The following OPCML variants were observed in gnomAD, a reference collection of about 807,000 sequenced individuals.
The protein encoded by OPCML is opioid-binding protein/cell adhesion molecule.
A neutral mutation model predicts 37.8 loss-of-function variants in OPCML; 13 were observed. That is an observed-to-expected ratio of 0.34 (90% CI 0.22 to 0.55). The LOEUF is 0.55. OPCML is among the 20% of genes least tolerant of loss of function. The pLI is 0.91. For missense variants in OPCML, 341 were observed against 435.6 expected (o/e 0.78, Z 1.93); for synonymous variants, 176 against 168.8 (o/e 1.04, Z -0.33).
At position 133,318,946 on chromosome 11, in the gene OPCML, G is replaced by T. The variant is rs1565569387; in HGVS notation, c.61+213318C>A. On this transcript the variant is annotated intron_variant, in intron 1 of 7. Transcript: ENST00000524381. ...GGAGGCTGAGGCAGGAACATTTCTT[G>T]AACCCAGGAGACAGAGGTTGCAGTG... Among the ~76,000 whole-genome samples, 3 of 152,164 alleles carry T rather than the reference G, an allele frequency of 2.0e-5. No homozygotes were observed. The East Asian group carries it at 5.8e-4, about 29-fold the overall frequency.
At chr11:133,513,936 G>A (rs1476366666) in intron 1 of OPCML, among the ~76,000 whole-genome samples, 1 of 152,154 alleles carries the variant, frequency 6.6e-6, no homozygotes, top group Non-Finnish European at 1.5e-5. Flanking sequence ...GAGCCAGCAA[G>A]GTCAGTTGAA....
chr11:132,821,189 G>A (rs751262170), intron 2 of OPCML, among the ~76,000 whole-genome samples: 2 of 152,174 alleles, frequency 1.3e-5, no homozygotes, highest in Non-Finnish European at 2.9e-5. Flanking sequence ...GCATGACACT[G>A]GCAGAACGAA....
At chr11:133,094,037 G>A (rs993455178) in intron 1 of OPCML, among the ~76,000 whole-genome samples, 6 of 151,982 alleles carry the variant, frequency 3.9e-5, no homozygotes, top group Admixed American at 2.6e-4. Flanking sequence ...AGGTCCCCTC[G>A]TGTGTCTAAA....
chr11:132,799,951 A>G (rs1414527275), intron 2 of OPCML, among the ~76,000 whole-genome samples: 2 of 152,206 alleles, frequency 1.3e-5, no homozygotes, highest in Non-Finnish European at 2.9e-5. Context: ...CAGCTTGTCA[A>G]ATTCAGAAAA....
At chr11:133,110,218 G>C (rs1392404503) in intron 1 of OPCML, among the ~76,000 whole-genome samples, 1 of 152,192 alleles carries the variant, frequency 6.6e-6, no homozygotes, top group Admixed American at 6.5e-5. Context: ...GGTAAATTTA[G>C]TATTTTGAGA....
chr11:132,962,373 G>C (rs1230307380), intron 1 of OPCML, among the ~76,000 whole-genome samples: 1 of 152,222 alleles, frequency 6.6e-6, no homozygotes, highest in African/African-American at 2.4e-5. Flanking sequence ...GACCAAGAGT[G>C]TGCCTGGGAA....
At chr11:132,474,572 C>T (rs948046603) in intron 4 of OPCML, among the ~76,000 whole-genome samples, 1 of 152,170 alleles carries the variant, frequency 6.6e-6, no homozygotes, top group Non-Finnish European at 1.5e-5. Context: ...TTCTCAGAAT[C>T]TCAGGCCTCA....
chr11:133,111,505 C>T (rs1350253617), intron 1 of OPCML, among the ~76,000 whole-genome samples: 2 of 152,106 alleles, frequency 1.3e-5, no homozygotes, highest in East Asian at 1.9e-4. Context: ...TCTCAGATAC[C>T]AGCTCTCTCA....
chr11:132,570,791 A>ATATATATC, intron 3 of OPCML, among the ~76,000 whole-genome samples: 1 of 124,504 alleles, frequency 8.0e-6, no homozygotes, highest in South Asian at 2.7e-4. Flanking sequence ...ATATATATAT[A>ATATATATC]TATATATATA....
intron 3 of OPCML, among the ~76,000 whole-genome samples, chr11:132,568,911 G>A (rs965277680): frequency 6.6e-6 from 1 of 152,130 alleles, no homozygotes; most frequent in Non-Finnish European, 1.5e-5. Context: ...AGTGAATAAA[G>A]AAATATGTTG....
At chr11:132,490,839 T>C (rs963280831) in intron 4 of OPCML, among the ~76,000 whole-genome samples, 3 of 149,824 alleles carry the variant, frequency 2.0e-5, no homozygotes, top group African/African-American at 7.4e-5. Flanking sequence ...AAAAAAGAAA[T>C]GAAGAACCTG....
intron 4 of OPCML, among the ~76,000 whole-genome samples, chr11:132,514,328 G>A (rs183283024): frequency 5.9e-5 from 9 of 152,186 alleles, no homozygotes; most frequent in South Asian, 2.1e-4. Context: ...CTTGAAAGTC[G>A]CCCACAACCA....
chr11:132,762,863 A>G (rs1946312491), intron 2 of OPCML, among the ~76,000 whole-genome samples: 1 of 152,090 alleles, frequency 6.6e-6, no homozygotes, highest in African/African-American at 2.4e-5. Flanking sequence ...CTGAGGTACA[A>G]AAAAATACAC....
At chr11:132,765,620 C>G (rs1946414009) in intron 2 of OPCML, among the ~76,000 whole-genome samples, 1 of 152,164 alleles carries the variant, frequency 6.6e-6, no homozygotes, top group African/African-American at 2.4e-5. Flanking sequence ...TTTCTAAGCT[C>G]AGATAGAAGC....
intron 1 of OPCML, among the ~76,000 whole-genome samples, chr11:133,140,086 C>T (rs1592039079): frequency 6.6e-6 from 1 of 151,564 alleles, no homozygotes; most frequent in East Asian, 2.0e-4. Flanking sequence ...ACTGGGGAGG[C>T]TGAAGCAGGA....
At position 132,630,501 on chromosome 11, in the gene OPCML, A is replaced by G. The variant is rs543104519; in HGVS notation, c.379+26586T>C. ...ATGAGAGAATGTATTTGTTAAATTG[A>G]TAAGTTGAAAGAATAGGACACAATA... On this transcript the variant is annotated intron_variant, in intron 3 of 7. Coordinates refer to ENST00000524381, the MANE Select transcript of OPCML (RefSeq NM_001012393.5). Among the ~76,000 whole-genome samples, 13 of 152,154 alleles carry G rather than the reference A, an allele frequency of 8.5e-5. No individual in the cohort carries two copies. In the South Asian group the frequency reaches 2.7e-3, roughly 32 times the overall value.
chr11:133,044,545 A>G (rs1346435892), intron 1 of OPCML, among the ~76,000 whole-genome samples: 1 of 152,220 alleles, frequency 6.6e-6, no homozygotes, highest in African/African-American at 2.4e-5. Context: ...GCGAGCAGCC[A>G]GAGGTTAAGA....
At position 132,688,739 on chromosome 11, in the gene OPCML, C is replaced by A. The variant is rs1181404735; in HGVS notation, c.147-31420G>T. On this transcript the variant is annotated intron_variant, in intron 2 of 7. Coordinates refer to ENST00000524381, the MANE Select transcript of OPCML (RefSeq NM_001012393.5). Reference sequence around the variant, plus strand: ...CGGGTGGATCATGAGGTCAGGAGATCGAGACCATCCTGGCTAACAAGGTGA... The same window carrying A: ...CGGGTGGATCATGAGGTCAGGAGATAGAGACCATCCTGGCTAACAAGGTGA... 1.5e-4 allele frequency among the ~76,000 whole-genome samples: 5 copies of A among 34,456 alleles called. 1 individual carries two copies. Among genetic ancestry groups the A allele is most frequent in the Non-Finnish European group, 2.4e-4 (4 of 16,846 alleles). The allele number at this position is 34,456 out of a possible 152,430, so 22.6% of individuals were successfully genotyped here.
intron 1 of OPCML, among the ~76,000 whole-genome samples, chr11:133,137,601 G>C (rs1949710750): frequency 6.6e-6 from 1 of 152,092 alleles, no homozygotes; most frequent in Non-Finnish European, 1.5e-5. Flanking sequence ...AATTGAGTTT[G>C]GTGTATCATC....
Sources: gnomAD v4.1 joint callset for allele counts (sites outside exome capture counted in the v4.1 genomes callset) on GRCh38, gnomAD v4.1.1 for gene constraint, MANE v1.5 for transcripts, NCBI Gene and HGNC (gene_info 2026-07-23, HGNC 2026-07-21) for gene names.